Variants in TMEM143 observed in about 807,000 individuals in gnomAD.
The protein encoded by TMEM143 is transmembrane protein 143.
TMEM143 carries 45 observed loss-of-function variants against 40.3 expected under a neutral mutation model. The observed-to-expected ratio is 1.12, with a 90% CI of 0.88 to 1.43. The LOEUF (loss-of-function observed/expected upper bound fraction) is 1.43, where lower values mean the gene tolerates loss of function less well. Among genes scored for constraint, TMEM143 ranks in the 40% most tolerant of loss-of-function variants. TMEM143 has a pLI of 0.00. For synonymous variants in TMEM143, 299 were observed against 282.7 expected (o/e 1.06, Z -0.58); for missense variants, 620 against 613.4 (o/e 1.01, Z -0.11).
At chr19:48,356,931 G>A (rs1481388222) in intron 3 of TMEM143, among the ~76,000 whole-genome samples, 3 of 89,206 alleles carry the variant, frequency 3.4e-5, no homozygotes, top group African/African-American at 1.4e-4. Flanking sequence ...TTGAGATGGA[G>A]TCTCACTCTG....
At chr19:48,353,966 C>CTT (rs1000999847) in intron 3 of TMEM143, among the ~76,000 whole-genome samples, 1 of 149,592 alleles carries the variant, frequency 6.7e-6, no homozygotes. Context: ...CATTTCACTT[C>CTT]TTTTTTTTTT....
intron 3 of TMEM143, among the ~76,000 whole-genome samples, chr19:48,356,970 T>C (rs1969917447): frequency 7.6e-6 from 1 of 131,072 alleles, no homozygotes; most frequent in African/African-American, 2.9e-5. Flanking sequence ...AGTGGCGCGA[T>C]CTCGGTTCAC....
chr19:48,360,575 CAAA>C (rs66559365), intron 2 of TMEM143: 61 of 101,250 alleles, frequency 6.0e-4, no homozygotes, highest in South Asian at 2.9e-3. Flanking sequence ...GACTCTGTCT[CAAA>C]AAAAAAAAAA....
chr19:48,354,441 T>C (rs1322779611), intron 3 of TMEM143, among the ~76,000 whole-genome samples: 11 of 151,618 alleles, frequency 7.3e-5, no homozygotes. Flanking sequence ...ATTTTTGTAT[T>C]TTCAGTAAAG....
At chr19:48,359,413 C>T (rs1969981227) in intron 3 of TMEM143, among the ~76,000 whole-genome samples, 1 of 152,036 alleles carries the variant, frequency 6.6e-6, no homozygotes, top group Non-Finnish European at 1.5e-5. Context: ...CAGGCTCGTT[C>T]CCCCTCTTCA....
intron 1 of TMEM143, 170 bp downstream of exon 1, chr19:48,363,728 C>G (rs1970125115): frequency 7.2e-7 from 1 of 1,385,098 alleles, no homozygotes; most frequent in Non-Finnish European, 9.9e-7. Context: ...GGTCAGAGGT[C>G]TTAGGTTCTG....
At chr19:48,342,334 G>A (rs968175341) in intron 6 of TMEM143, among the ~76,000 whole-genome samples, 196 bp downstream of exon 6, 12 of 66,290 alleles carry the variant, frequency 1.8e-4, no homozygotes, top group Non-Finnish European at 1.4e-4. Context: ...AAAGAAAAGA[G>A]GAAGAATGGG....
chr19:48,342,769 G>A lies in TMEM143; in HGVS notation c.736C>T (p.Arg246Trp), dbSNP rs1969529455. ...AAACTCTTCAGTACCAGGTGTCCCCGTTTGGTCCGGGCTGCCAGGACCACC... is the reference window on the plus strand; with the variant it reads ...AAACTCTTCAGTACCAGGTGTCCCCATTTGGTCCGGGCTGCCAGGACCACC... ...KRVVLAARTK[R>W]GHLVLKSFKD... Residue 246 changes from arginine (R) to tryptophan (W), a missense_variant, in exon 6 of 8, where the codon CGG becomes TGG. Physicochemically the swap from Arg to Trp is moderately radical, Grantham distance 101. Transcript: ENST00000293261. 3 of 1,611,340 alleles carry A rather than the reference G, an allele frequency of 1.9e-6. No homozygotes were observed. Among genetic ancestry groups the A allele is most frequent in the African/African-American group, 1.3e-5 (1 of 74,886 alleles).
chr19:48,333,962 G>T lies in TMEM143; in HGVS notation c.1165+46C>A. On this transcript the variant is annotated intron_variant, in intron 7 of 7. Coordinates refer to ENST00000293261, the MANE Select transcript of TMEM143 (RefSeq NM_018273.4). The surrounding 1 kb of genome is among the most constrained non-coding windows in gnomAD (Gnocchi z 4.1). ...ACGCATCTCGCTGGGGCGGGGCCTC[G>T]CGGGGGTGTGGCCCCTGGGGGCAGG... 1 of 1,468,876 alleles carries T rather than the reference G, an allele frequency of 6.8e-7. No homozygotes were observed. The highest frequency in any genetic ancestry group is 9.0e-7 in the Non-Finnish European group (1 of 1,110,012). 91.0% of individuals were successfully genotyped at this position (1,468,876 alleles called of 1,614,324 possible).
intron 6 of TMEM143, among the ~76,000 whole-genome samples, chr19:48,336,987 C>T: frequency 6.6e-6 from 1 of 151,172 alleles, no homozygotes; most frequent in Non-Finnish European, 1.5e-5. Flanking sequence ...CACCACTGCA[C>T]TCCAGCCTGG....
At chr19:48,335,761 G>A (rs778614698) in intron 6 of TMEM143, among the ~76,000 whole-genome samples, 5 of 152,014 alleles carry the variant, frequency 3.3e-5, no homozygotes, top group Non-Finnish European at 7.4e-5. Flanking sequence ...GGGTGTGATG[G>A]TGAGCACCTG....
intron 3 of TMEM143, among the ~76,000 whole-genome samples, chr19:48,356,687 T>C (rs1969907818): frequency 6.8e-6 from 1 of 146,204 alleles, no homozygotes. Flanking sequence ...AACCTCCTCC[T>C]CCCAGGTTCA....
At chr19:48,334,554 T>TCTTC (rs1428156652) in intron 6 of TMEM143, among the ~76,000 whole-genome samples, 1 of 145,482 alleles carries the variant, frequency 6.9e-6, no homozygotes, top group African/African-American at 2.8e-5. Context: ...TCTTTCTTTT[T>TCTTC]CTTCCTTCCT....
Position 48,357,440 on chromosome 19 carries a change from G to A in TMEM143, c.369+2632C>T, listed in dbSNP as rs1014317571. 1.0e-4 allele frequency among the ~76,000 whole-genome samples: 14 copies of A among 140,496 alleles called. No homozygotes were observed. The South Asian group carries it at 2.1e-3, about 21-fold the overall frequency. The allele number at this position is 140,496 out of a possible 152,430, so 92.2% of individuals were successfully genotyped here. A position where few individuals can be genotyped will look rare whatever the true frequency, so the allele number is the denominator to read the frequency against. ...GCAATCTTGGCTCACTGCAAGCTCC[G>A]CCTCCCGGGTTCACGTCATTCTCCT... On this transcript the variant is annotated intron_variant, in intron 3 of 7. Coordinates refer to ENST00000293261, the MANE Select transcript of TMEM143 (RefSeq NM_018273.4).
At position 48,348,401 on chromosome 19, in the gene TMEM143, C is replaced by T. The variant is rs372453277; in HGVS notation, c.370-3047G>A. Among the ~76,000 whole-genome samples, 63 of 152,248 alleles carry T rather than the reference C, an allele frequency of 4.1e-4. No individual in the cohort carries two copies. The South Asian group carries it at 0.012, about 30-fold the overall frequency. On this transcript the variant is annotated intron_variant, in intron 3 of 7. Transcript: ENST00000293261. ...CTCTCTCCTCCCCACCCGCCTGGTC[C>T]CAGTCCATGCCAGCCACCACCATTT...
intron 2 of TMEM143, among the ~76,000 whole-genome samples, chr19:48,362,477 T>C (rs1216207459): frequency 6.6e-6 from 1 of 152,090 alleles, no homozygotes; most frequent in Admixed American, 6.6e-5. Flanking sequence ...TGAGCTGAGA[T>C]TGTGCCACTG....
At chr19:48,340,231 A>G (rs1480866683) in intron 6 of TMEM143, among the ~76,000 whole-genome samples, 1 of 139,668 alleles carries the variant, frequency 7.2e-6, no homozygotes, top group African/African-American at 2.7e-5. Context: ...GGTTCAAGTG[A>G]TTCTCCTGCC....
intron 6 of TMEM143, 30 bp from the exon 7 acceptor site, chr19:48,334,227 A>C (rs775613199): frequency 6.4e-7 from 1 of 1,561,766 alleles, no homozygotes; most frequent in South Asian, 1.2e-5. Flanking sequence ...CCGTGGGCTC[A>C]GTTCGGGGTG....
At chr19:48,343,023 G>T in intron 5 of TMEM143, 1 of 697,764 alleles carries the variant, frequency 1.4e-6, no homozygotes, top group South Asian at 2.0e-5. Context: ...CGTGCAGATT[G>T]TTTGTTGGAA....
Sources: gnomAD v4.1 joint callset for allele counts (sites outside exome capture counted in the v4.1 genomes callset) on GRCh38, gnomAD v4.1.1 for gene constraint, Gnocchi (gnomAD v3.1) non-coding constraint, MANE v1.5 for transcripts, NCBI Gene and HGNC (gene_info 2026-07-23, HGNC 2026-07-21) for gene names.